KLHL11: variants seen among roughly 807,000 people sequenced by gnomAD.
KLHL11 encodes the protein kelch-like protein 11.
KLHL11 carries 26 observed loss-of-function variants against 56.1 expected under a neutral mutation model. The observed-to-expected ratio is 0.46, with a 90% CI of 0.34 to 0.64. The LOEUF (loss-of-function observed/expected upper bound fraction) is 0.64. Among genes scored for constraint, KLHL11 ranks in the 30% least tolerant of loss-of-function variants. The pLI is 0.01. For missense variants in KLHL11, 627 were observed against 919.4 expected, an observed-to-expected ratio of 0.68 and a Z score of 4.11; for synonymous variants, 338 against 345.8, an observed-to-expected ratio of 0.98 and a Z score of 0.25.
Position 41,864,862 on chromosome 17 carries a change from G to A in KLHL11, c.509C>T (p.Thr170Met), listed in dbSNP as rs188421806. 6.4e-7 allele frequency: 1 copy of A among 1,566,800 alleles called. No individual in the cohort carries two copies. Among genetic ancestry groups the A allele is most frequent in the South Asian group, 1.2e-5 (1 of 85,622 alleles). Reference sequence around the variant, plus strand: ...CTCCAGCACCTCGTGCACGCTGCCCGTGCTGACGCGGATGCGCCCGGTGTA... The same window carrying A: ...CTCCAGCACCTCGTGCACGCTGCCCATGCTGACGCGGATGCGCCCGGTGTA... ...YMYTGRIRVS[T>M]GSVHEVLELA... Residue 170 changes from threonine (T) to methionine (M), a missense_variant, in exon 1 of 2, where the codon ACG becomes ATG. Thr to Met is a moderately conservative substitution (Grantham distance 81). Coordinates refer to ENST00000319121, the MANE Select transcript of KLHL11 (RefSeq NM_018143.3).
chr17:41,854,800 T>C lies in KLHL11; in HGVS notation c.1067A>G (p.Gln356Arg). 3.1e-6 allele frequency: 5 copies of C among 1,614,234 alleles called. No homozygotes were observed. Among genetic ancestry groups the C allele is most frequent in the Non-Finnish European group, 3.4e-6 (4 of 1,180,034 alleles). ...SHVSLLPRYG[Q>R]NMDVIMVIGG... ...AATAACCATGATCACATCCATGTTT[T>C]GCCCATAACGAGGCAATAGTGACAC... The change falls in exon 2 of 2, where the codon CAA (glutamine) becomes CGA (arginine). Residue 356 changes from glutamine to arginine, a missense_variant. By Grantham distance (43) the Gln-to-Arg change is conservative. This residue lies in a region of KLHL11 where 106 missense variants were observed against 227.0 expected (regional missense o/e 0.47). Coordinates refer to ENST00000319121, the MANE Select transcript of KLHL11 (RefSeq NM_018143.3). The surrounding 1 kb of genome is among the most constrained non-coding windows in gnomAD (Gnocchi z 4.9).
intron 1 of KLHL11, among the ~76,000 whole-genome samples, chr17:41,856,403 A>C (rs1467503338): frequency 6.6e-6 from 1 of 151,542 alleles, no homozygotes; most frequent in Non-Finnish European, 1.5e-5. Flanking sequence ...CTGCTTCCCA[A>C]AGTGTTTGGG....
At position 41,855,270 on chromosome 17, in the gene KLHL11, T is replaced by G. The variant is rs1399504239; in HGVS notation, c.597A>C (p.Lys199Asn). 1.9e-6 allele frequency: 3 copies of G among 1,599,966 alleles called. No individual in the cohort carries two copies. The highest frequency in any genetic ancestry group is 2.7e-5 in the African/African-American group (2 of 74,468). Residue 199 changes from lysine (K) to asparagine (N), a missense_variant, in exon 2 of 2, where the codon AAA becomes AAC. Physicochemically the swap from Lys to Asn is moderately conservative, Grantham distance 94. This residue lies in a region of KLHL11 where 150 missense variants were observed against 215.7 expected (regional missense o/e 0.70). Transcript: ENST00000319121. Reference sequence around the variant, plus strand: ...TTGCCACACAATTTGAGAGATGAAGTTTTTTCTTGAGAAATTCTCCACAAA... The same window carrying G: ...TTGCCACACAATTTGAGAGATGAAGGTTTTTCTTGAGAAATTCTCCACAAA... ...KEFCGEFLKKKLHLSNCVAIH... is the reference protein window; with the variant it reads ...KEFCGEFLKKNLHLSNCVAIH...
chr17:41,858,410 TGTTGTTGTTG>T (rs1444497758), intron 1 of KLHL11, among the ~76,000 whole-genome samples: 24 of 61,968 alleles, frequency 3.9e-4, no homozygotes, highest in Admixed American at 1.7e-3. Context: ...ATATATTTTT[TGTTGTTGTTG>T]TTGTTGTTGT....
chr17:41,862,863 T>C (rs1390283357), intron 1 of KLHL11, among the ~76,000 whole-genome samples: 1 of 152,170 alleles, frequency 6.6e-6, no homozygotes, highest in Non-Finnish European at 1.5e-5. Flanking sequence ...TCCCATGCAC[T>C]TCCCAGGGAT....
At position 41,865,080 on chromosome 17, in the gene KLHL11, G is replaced by C; in HGVS notation, c.291C>G (p.Thr97=). ...QRRQGLFCDI[T]LCFGGAGGRE... is the part of the protein sequence containing the mutation. ...GGCCTCCAGCCCCGCCGAAGCACAG[G>C]GTAATGTCGCAGAAGAGGCCCTGGC... The change falls in exon 1 of 2, where the codon ACC becomes ACG. Residue 97 remains threonine, a synonymous_variant. Coordinates refer to ENST00000319121, the MANE Select transcript of KLHL11 (RefSeq NM_018143.3). 1.2e-5 allele frequency: 19 copies of C among 1,602,620 alleles called. No individual in the cohort carries two copies. Among genetic ancestry groups the C allele is most frequent in the Non-Finnish European group, 1.6e-5 (19 of 1,173,338 alleles).
At chr17:41,861,954 G>A in intron 1 of KLHL11, among the ~76,000 whole-genome samples, 1 of 152,114 alleles carries the variant, frequency 6.6e-6, no homozygotes, top group South Asian at 2.1e-4. Context: ...TATAAAGCAA[G>A]GCTTAACAGC....
At position 41,855,075 on chromosome 17, in the gene KLHL11, C is replaced by T. The variant is rs2048356615; in HGVS notation, c.792G>A (p.Glu264=). ...ATTTCAAAACGGTTTCAAAGAGAAC[C>T]TCTTCAGAATCAACTGTAATTTCCA... ...SDLEITVDSE[E]VLFETVLKWV... Residue 264 remains glutamate, a synonymous_variant, in exon 2 of 2, where the codon GAG becomes GAA. Coordinates refer to ENST00000319121, the MANE Select transcript of KLHL11 (RefSeq NM_018143.3). The T allele has an allele frequency of 6.2e-7, 1 of 1,614,064 alleles. No individual in the cohort carries two copies. Among genetic ancestry groups the T allele is most frequent in the African/African-American group, 1.3e-5 (1 of 74,938 alleles).
At chr17:41,859,610 G>A (rs34702942) in intron 1 of KLHL11, among the ~76,000 whole-genome samples, 6,336 of 151,938 alleles carry the variant, frequency 0.042, 452 homozygotes, top group African/African-American at 0.15. Flanking sequence ...TTAGCTGGGC[G>A]TGGTGGCGTG....
In KLHL11 at chr17:41,864,843, C is replaced by G. The variant is rs2048427238; in HGVS notation, c.528G>C (p.Val176=). The change falls in exon 1 of 2, where the codon GTG becomes GTC. Residue 176 remains valine, a synonymous_variant. Transcript: ENST00000319121. ...TCGCCTACCTGTCGGCCAACTCCAGCACCTCGTGCACGCTGCCCGTGCTGA... is the reference window on the plus strand; with the variant it reads ...TCGCCTACCTGTCGGCCAACTCCAGGACCTCGTGCACGCTGCCCGTGCTGA... ...IRVSTGSVHE[V]LELADRFLLI... 1 of 1,533,240 alleles carries G rather than the reference C, an allele frequency of 6.5e-7. No homozygotes were observed. Among genetic ancestry groups the G allele is most frequent in the Non-Finnish European group, 8.8e-7 (1 of 1,136,304 alleles). 95.0% of individuals were successfully genotyped at this position (1,533,240 alleles called of 1,614,324 possible). A position where few individuals can be genotyped will look rare whatever the true frequency, so the allele number is the denominator to read the frequency against.
chr17:41,859,608 G>C (rs909000840), intron 1 of KLHL11, among the ~76,000 whole-genome samples: 5 of 151,940 alleles, frequency 3.3e-5, no homozygotes, highest in Admixed American at 3.3e-4. Context: ...AATTAGCTGG[G>C]CGTGGTGGCG....
Position 41,854,281 on chromosome 17 carries a change from G to A in KLHL11, c.1586C>T (p.Thr529Ile). Reference sequence around the variant, plus strand: ...CACATCTTGCCACTGTCGAGTCTCTGTATCATAGCAAGTAATTACAGCCTT... The same window carrying A: ...CACATCTTGCCACTGTCGAGTCTCTATATCATAGCAAGTAATTACAGCCTT... ...GLKAVITCYD[T>I]ETRQWQDVES... The change falls in exon 2 of 2, where the codon ACA (threonine) becomes ATA (isoleucine). Residue 529 changes from threonine (T) to isoleucine (I), a missense_variant. Transcript: ENST00000319121. This position sits in a 1 kb window ranked among gnomAD's most constrained non-coding sequence, Gnocchi z 4.9. 6.2e-7 allele frequency: 1 copy of A among 1,614,168 alleles called. No homozygotes were observed. The highest frequency in any genetic ancestry group is 8.5e-7 in the Non-Finnish European group (1 of 1,180,018).
rs977441227 is a variant in KLHL11, at chr17:41,852,378, T to G, written c.*1362A>C. On this transcript the variant is annotated 3_prime_UTR_variant, in exon 2 of 2. Coordinates refer to ENST00000319121, the MANE Select transcript of KLHL11 (RefSeq NM_018143.3). ...TTGGTATCCTAGGCTCAGGCAAAGT[T>G]TGAAAGTGTGGGGCAACTGGATAAA... Among the ~76,000 whole-genome samples, 1 of 152,134 alleles carries G rather than the reference T, an allele frequency of 6.6e-6. No homozygotes were observed. Among genetic ancestry groups the G allele is most frequent in the African/African-American group, 2.4e-5 (1 of 41,420 alleles).
In KLHL11 at chr17:41,865,062, A is replaced by G. The variant is rs200961033; in HGVS notation, c.309T>C (p.Ala103=). The change falls in exon 1 of 2, where the codon GCT becomes GCC. Residue 103 remains alanine (A), a synonymous_variant. Coordinates refer to ENST00000319121, the MANE Select transcript of KLHL11 (RefSeq NM_018143.3). Reference sequence around the variant, plus strand: ...GGTGGGCCCGGAACTCGCGGCCTCCAGCCCCGCCGAAGCACAGGGTAATGT... The same window carrying G: ...GGTGGGCCCGGAACTCGCGGCCTCCGGCCCCGCCGAAGCACAGGGTAATGT... ...FCDITLCFGG[A]GGREFRAHRS... 3.8e-6 allele frequency: 6 copies of G among 1,592,830 alleles called. No homozygotes were observed. The African/African-American group carries it at 6.7e-5, about 18-fold the overall frequency.
At chr17:41,857,707 G>A (rs1207365496) in intron 1 of KLHL11, among the ~76,000 whole-genome samples, 2 of 152,018 alleles carry the variant, frequency 1.3e-5, no homozygotes, top group East Asian at 1.9e-4. Context: ...TCACAGGTGC[G>A]ATCACAGTGC....
Position 41,853,656 on chromosome 17 carries a change from G to T in KLHL11, c.*84C>A. 1 of 1,452,730 alleles carries T rather than the reference G, an allele frequency of 6.9e-7. No individual in the cohort carries two copies. Among genetic ancestry groups the T allele is most frequent in the Non-Finnish European group, 9.2e-7 (1 of 1,083,168 alleles). The allele number at this position is 1,452,730 out of a possible 1,614,324, so 90.0% of individuals were successfully genotyped here. A position where few individuals can be genotyped will look rare whatever the true frequency, so the allele number is the denominator to read the frequency against. ...CAGTTCATGTAGAAAATAAGTTATCGACATACTTTTTTAAATAACAGCCTG... is the reference window on the plus strand; with the variant it reads ...CAGTTCATGTAGAAAATAAGTTATCTACATACTTTTTTAAATAACAGCCTG... On this transcript the variant is annotated 3_prime_UTR_variant, in exon 2 of 2. Transcript: ENST00000319121.
At position 41,852,435 on chromosome 17, in the gene KLHL11, T is replaced by C. The variant is rs2048336990; in HGVS notation, c.*1305A>G. Among the ~76,000 whole-genome samples, 1 of 152,100 alleles carries C rather than the reference T, an allele frequency of 6.6e-6. No homozygotes were observed. Among genetic ancestry groups the C allele is most frequent in the Non-Finnish European group, 1.5e-5 (1 of 68,008 alleles). On this transcript the variant is annotated 3_prime_UTR_variant, in exon 2 of 2. Transcript: ENST00000319121. The stretch of plus-strand genomic sequence containing the variant: ...CAATCAGAAATAATAAGGCTTCTCT[T>C]TAGCAACATTTCTCTAAATTGTGAC...
chr17:41,864,680 C>T (rs1054932062), intron 1 of KLHL11, 146 bp downstream of exon 1: 5 of 911,878 alleles, frequency 5.5e-6, no homozygotes, highest in Non-Finnish European at 7.6e-6. Context: ...GTGGCTGCCC[C>T]CAAGCAGGCG....
chr17:41,863,764 T>G (rs543405736), intron 1 of KLHL11, among the ~76,000 whole-genome samples: 2 of 152,290 alleles, frequency 1.3e-5, no homozygotes, highest in African/African-American at 4.8e-5. Context: ...GTCCCCTACC[T>G]GACACAGTCT....
Sources: allele counts gnomAD v4.1 joint callset (sites outside exome capture counted in the v4.1 genomes callset), GRCh38; gene constraint gnomAD v4.1.1; regional missense constraint gnomAD v4.1.1; non-coding constraint Gnocchi (gnomAD v3.1); transcripts MANE v1.5; gene names NCBI Gene and HGNC (gene_info 2026-07-23, HGNC 2026-07-21).